Variants in PBX1 observed in about 807,000 individuals in gnomAD.
PBX1 encodes pre-B-cell leukemia transcription factor 1.
Under a neutral mutation model 53.4 loss-of-function variants are expected in PBX1, and 6 were observed. The ratio of observed to expected loss-of-function variants is 0.11; its 90% confidence interval spans 0.06 to 0.22. The LOEUF is 0.22. Ranked by LOEUF, PBX1 falls within the 10% of genes least tolerant of loss-of-function variation. The probability of loss-of-function intolerance (pLI) is 1.00; values close to 1 mark genes in which losing one functional copy is unlikely to be tolerated. For missense variants in PBX1, 251 were observed against 551.4 expected (o/e 0.46, Z 5.46); for synonymous variants, 204 against 212.3 (o/e 0.96, Z 0.34).
At chr1:164,635,970 C>A (rs980935373) in intron 2 of PBX1, among the ~76,000 whole-genome samples, 1 of 152,126 alleles carries the variant, frequency 6.6e-6, no homozygotes, top group East Asian at 1.9e-4. Flanking sequence ...TGCTGGATCA[C>A]ATGAGGCTGG....
chr1:164,583,274 G>A (rs1180148202), intron 2 of PBX1, among the ~76,000 whole-genome samples: 1 of 146,396 alleles, frequency 6.8e-6, no homozygotes, highest in African/African-American at 2.5e-5. Context: ...TTTAAGCCAA[G>A]AGAGGCGGGA....
chr1:164,628,621 G>A (rs1658201387), intron 2 of PBX1, among the ~76,000 whole-genome samples: 1 of 152,200 alleles, frequency 6.6e-6, no homozygotes, highest in Non-Finnish European at 1.5e-5. Flanking sequence ...ATTGGTAAAT[G>A]TAGCAACTCT....
At chr1:164,838,505 T>C (rs964394589) in intron 8 of PBX1, among the ~76,000 whole-genome samples, 3 of 152,200 alleles carry the variant, frequency 2.0e-5, no homozygotes, top group Non-Finnish European at 4.4e-5. Flanking sequence ...AAAGGTGAAC[T>C]GAAGAGCACA....
intron 2 of PBX1, among the ~76,000 whole-genome samples, chr1:164,585,423 C>T (rs1654892068): frequency 6.6e-6 from 1 of 152,220 alleles, no homozygotes; most frequent in Non-Finnish European, 1.5e-5. Flanking sequence ...CCCTCCTCAT[C>T]AGCCCCACTC....
chr1:164,659,571 G>A (rs1359621549), intron 2 of PBX1, among the ~76,000 whole-genome samples: 2 of 152,206 alleles, frequency 1.3e-5, no homozygotes, highest in African/African-American at 4.8e-5. Context: ...GAAGCAGCAG[G>A]TGAGTTTGGG....
intron 5 of PBX1, 93 bp from the exon 6 acceptor site, chr1:164,811,897 C>T: frequency 1.0e-6 from 1 of 994,400 alleles, no homozygotes; most frequent in Non-Finnish European, 1.5e-6. Flanking sequence ...ATTAGCTTAC[C>T]TCTTCACCTC....
At chr1:164,743,099 A>G (rs1259979117) in intron 2 of PBX1, among the ~76,000 whole-genome samples, 1 of 152,202 alleles carries the variant, frequency 6.6e-6, no homozygotes, top group Non-Finnish European at 1.5e-5. Context: ...AGAGAAACCC[A>G]GCTAGCCTAA....
intron 2 of PBX1, among the ~76,000 whole-genome samples, chr1:164,570,621 G>T (rs958852459): frequency 1.3e-5 from 2 of 152,134 alleles, no homozygotes; most frequent in Non-Finnish European, 2.9e-5. Context: ...TGGGCATTTT[G>T]GTTGGTTCCA....
chr1:164,638,498 G>C (rs1658922740), intron 2 of PBX1, among the ~76,000 whole-genome samples: 1 of 152,188 alleles, frequency 6.6e-6, no homozygotes, highest in African/African-American at 2.4e-5. Flanking sequence ...GGCCCCTCTG[G>C]GTGCTGCCTC....
intron 2 of PBX1, chr1:164,674,953 TA>T (rs1232246648): frequency 6.6e-6 from 1 of 150,502 alleles, no homozygotes; most frequent in Admixed American, 6.7e-5. Context: ...GCATGGTGCT[TA>T]TAGTTTGCCA....
At chr1:164,637,989 C>G (rs1026105419) in intron 2 of PBX1, among the ~76,000 whole-genome samples, 2 of 152,192 alleles carry the variant, frequency 1.3e-5, no homozygotes, top group Non-Finnish European at 2.9e-5. Context: ...ATAGAGCCAT[C>G]GTGCTCTGGG....
intron 2 of PBX1, among the ~76,000 whole-genome samples, chr1:164,857,124 C>A (rs1057234779): frequency 6.6e-6 from 1 of 152,184 alleles, no homozygotes; most frequent in Non-Finnish European, 1.5e-5. Context: ...GTCCCACAAG[C>A]CTGCCCTCAC....
Position 164,811,870 on chromosome 1 carries a change from A to G in PBX1, c.838-120A>G, listed in dbSNP as rs1571453164. The G allele has an allele frequency of 2.8e-5, 7 of 253,186 alleles. No individual in the cohort carries two copies. In the East Asian group the frequency reaches 4.5e-4, roughly 16 times the overall value. The allele number at this position is 253,186 out of a possible 1,614,324, so 15.7% of individuals were successfully genotyped here. A position where few individuals can be genotyped will look rare whatever the true frequency, so the allele number is the denominator to read the frequency against. On this transcript the variant is annotated intron_variant, in intron 5 of 8. Coordinates refer to ENST00000420696, the MANE Select transcript of PBX1 (RefSeq NM_002585.4). ...ATCTTTTTACTGATGTTGCCAAATT[A>G]TTATAGGATAAGACCAATTAGCTTA...
intron 2 of PBX1, among the ~76,000 whole-genome samples, chr1:164,761,384 GTTTGGTATGTT>G (rs1265591213): frequency 6.6e-6 from 1 of 152,166 alleles, no homozygotes; most frequent in African/African-American, 2.4e-5. Flanking sequence ...AAGGCTTTGG[GTTTGGTATGTT>G]TTTGGACATT....
chr1:164,628,160 A>C (rs915708812), intron 2 of PBX1, among the ~76,000 whole-genome samples: 2 of 152,326 alleles, frequency 1.3e-5, no homozygotes, highest in African/African-American at 4.8e-5. Context: ...TTTACTTTAC[A>C]AAAAAGTTTT....
chr1:164,628,509 T>A (rs12405219), intron 2 of PBX1, among the ~76,000 whole-genome samples: 4 of 152,180 alleles, frequency 2.6e-5, no homozygotes, highest in African/African-American at 9.6e-5. Context: ...TTGCACTCCC[T>A]GTGAAACCAT....
chr1:164,723,483 T>C (rs1664518418), intron 2 of PBX1, among the ~76,000 whole-genome samples: 1 of 152,088 alleles, frequency 6.6e-6, no homozygotes, highest in Non-Finnish European at 1.5e-5. Flanking sequence ...GTGGCGGGCA[T>C]ATGAAAGGGG....
intron 2 of PBX1, among the ~76,000 whole-genome samples, chr1:164,687,582 AAG>A (rs1491466401): frequency 4.2e-5 from 6 of 144,522 alleles, no homozygotes; most frequent in South Asian, 2.2e-4. Flanking sequence ...AAAAAAAAAA[AAG>A]GAAATAGTTT....
At chr1:164,717,188 G>A (rs1341673924) in intron 2 of PBX1, among the ~76,000 whole-genome samples, 1 of 152,178 alleles carries the variant, frequency 6.6e-6, no homozygotes, top group Non-Finnish European at 1.5e-5. Flanking sequence ...AAGGATAGCT[G>A]AGGGTGACTA....
Sources: allele counts gnomAD v4.1 joint callset (sites outside exome capture counted in the v4.1 genomes callset), GRCh38; gene constraint gnomAD v4.1.1; transcripts MANE v1.5; gene names NCBI Gene and HGNC (gene_info 2026-07-23, HGNC 2026-07-21).